CDKN1C: variants seen among roughly 807,000 people sequenced by gnomAD.
The protein encoded by CDKN1C is cyclin-dependent kinase inhibitor 1C.
A neutral mutation model predicts 16.5 loss-of-function variants in CDKN1C; 7 were observed. That is an observed-to-expected ratio of 0.42 (90% CI 0.24 to 0.80). CDKN1C has a LOEUF of 0.80. Ranked by LOEUF, CDKN1C falls within the 30% of genes least tolerant of loss-of-function variation. CDKN1C has a pLI of 0.26. For synonymous variants in CDKN1C, 288 were observed against 214.4 expected (o/e 1.34, Z -3.00); for missense variants, 429 against 437.3 (o/e 0.98, Z 0.17).
chr11:2,884,768 T>G lies in CDKN1C; in HGVS notation c.689A>C (p.Gln230Pro). ...ACGTCCCGAAATCCCCGAGTGCAGC[T>G]GGTCAGCGAGAGGCTCCTGGCCGCG... The part of the protein sequence containing the change: ...GQRGQEPLAD[Q>P]LHSGISGRPA... The change falls in exon 2 of 4, where the codon CAG becomes CCG. Residue 230 changes from glutamine to proline, a missense_variant. Coordinates refer to ENST00000440480, the MANE Select transcript of CDKN1C (RefSeq NM_001122630.2). 2 of 1,501,098 alleles carry G rather than the reference T, an allele frequency of 1.3e-6. No homozygotes were observed. Among genetic ancestry groups the G allele is most frequent in the Non-Finnish European group, 1.8e-6 (2 of 1,127,290 alleles). The allele number at this position is 1,501,098 out of a possible 1,614,324, so 93.0% of individuals were successfully genotyped here. A position where few individuals can be genotyped will look rare whatever the true frequency, so the allele number is the denominator to read the frequency against.
At chr11:2,884,203 AGGGCGCGGGGCGCGGGCCGGCCGGGGTGG>A in intron 2 of CDKN1C, 69 bp from the exon 3 acceptor site, 1 of 1,195,742 alleles carries the variant, frequency 8.4e-7, no homozygotes, top group Non-Finnish European at 1.0e-6. Flanking sequence ...GGGCCGGGAG[AGGGCGCGGGGCGCGGGCCGGCCGGGGTGG>A]GGGCGCCGTC....
chr11:2,885,081 G>C lies in CDKN1C; in HGVS notation c.376C>G (p.Pro126Ala). The C allele has an allele frequency of 2.1e-6, 3 of 1,405,320 alleles. No homozygotes were observed. The highest frequency in any genetic ancestry group is 2.7e-6 in the Non-Finnish European group (3 of 1,091,380). 87.1% of individuals were successfully genotyped at this position (1,405,320 alleles called of 1,614,324 possible). The change falls in exon 2 of 4, where the codon CCT (proline) becomes GCT (alanine). Residue 126 changes from proline to alanine, a missense_variant. By Grantham distance (27) the Pro-to-Ala change is conservative. Coordinates refer to ENST00000440480, the MANE Select transcript of CDKN1C (RefSeq NM_001122630.2). ...GCCGGGGCCGGGACCGGGACACTAGGCAGCTGCTCCGGCGCCTCCTCGAGG... is the reference window on the plus strand; with the variant it reads ...GCCGGGGCCGGGACCGGGACACTAGCCAGCTGCTCCGGCGCCTCCTCGAGG... ...DGLEEAPEQL[P>A]SVPVPAPAST...
Position 2,884,997 on chromosome 11 carries a change from C to A in CDKN1C, c.460G>T (p.Val154Phe). 8.8e-7 allele frequency: 1 copy of A among 1,132,656 alleles called. No homozygotes were observed. The highest frequency in any genetic ancestry group is 1.6e-5 in the African/African-American group (1 of 60,962). 70.2% of individuals were successfully genotyped at this position (1,132,656 alleles called of 1,614,324 possible). Residue 154 changes from valine to phenylalanine, a missense_variant, in exon 2 of 4, where the codon GTC becomes TTC. Physicochemically the swap from Val to Phe is conservative, Grantham distance 50. Coordinates refer to ENST00000440480, the MANE Select transcript of CDKN1C (RefSeq NM_001122630.2). ...APAPAPAPAPVAAPVAAPVAV... is the reference protein window; with the variant it reads ...APAPAPAPAPFAAPVAAPVAV... ...ACCGGAGCCGCGACCGGAGCCGCGA[C>A]CGGAGCCGGAGCCGGGGCCGGGGCT...
rs878853632 is a variant in CDKN1C, at chr11:2,884,917, G to GGCCGGA, written c.534_539dup (p.Ala182_Pro183dup). On this transcript the variant is annotated inframe_insertion, in exon 2 of 4. Transcript: ENST00000440480. ...GGGCCGGGGCCGCGACTGGAGCCGG[G>GGCCGGA]GCCGGAGCCGGAGCCGGAGCCGGGG... 3.4e-5 allele frequency: 30 copies of GGCCGGA among 882,332 alleles called. No individual in the cohort carries two copies. The highest frequency in any genetic ancestry group is 9.7e-5 in the African/African-American group (5 of 51,570). 54.7% of individuals were successfully genotyped at this position (882,332 alleles called of 1,614,324 possible).
rs1848952868 is a variant in CDKN1C, at chr11:2,885,029, A to G, written c.428T>C (p.Leu143Pro). ...PASTPPPVPV[L>P]APAPAPAPAP... Reference sequence around the variant, plus strand: ...CGGAGCCGGGGCCGGGGCTGGAGCCAGGACCGGGACTGGGGGCGGGGTGGA... The same window carrying G: ...CGGAGCCGGGGCCGGGGCTGGAGCCGGGACCGGGACTGGGGGCGGGGTGGA... Residue 143 changes from leucine (L) to proline (P), a missense_variant, in exon 2 of 4, where the codon CTG becomes CCG. Leu to Pro is a moderately conservative substitution (Grantham distance 98). Transcript: ENST00000440480. 3 of 1,281,974 alleles carry G rather than the reference A, an allele frequency of 2.3e-6. No individual in the cohort carries two copies. Among genetic ancestry groups the G allele is most frequent in the East Asian group, 3.2e-5 (1 of 31,178 alleles). 79.4% of individuals were successfully genotyped at this position (1,281,974 alleles called of 1,614,324 possible).
chr11:2,884,630 G>GGGGCCGGGCC (rs779445226), intron 2 of CDKN1C, 40 bp downstream of exon 2: 7 of 1,184,502 alleles, frequency 5.9e-6, no homozygotes, highest in Non-Finnish European at 6.4e-6. Context: ...CGGACAAAGC[G>GGGGCCGGGCC]GGGCCGGGCC....
At position 2,884,167 on chromosome 11, in the gene CDKN1C, C is replaced by A. The variant is rs1406846668; in HGVS notation, c.788-33G>T. On this transcript the variant is annotated intron_variant, in intron 2 of 3. Transcript: ENST00000440480. ...CGACAGCGCGCGCGGCCGGTCAGGG[C>A]GGGGCCGGCCCGGAGACCCGAGAGG... 4.4e-6 allele frequency: 6 copies of A among 1,359,880 alleles called. No homozygotes were observed. In the South Asian group the frequency reaches 1.0e-4, roughly 23 times the overall value. The allele number at this position is 1,359,880 out of a possible 1,614,324, so 84.2% of individuals were successfully genotyped here.
Position 2,884,754 on chromosome 11 carries a change from T to C in CDKN1C, c.703A>G (p.Ile235Val). 6.7e-7 allele frequency: 1 copy of C among 1,497,350 alleles called. No individual in the cohort carries two copies. Among genetic ancestry groups the C allele is most frequent in the Non-Finnish European group, 8.9e-7 (1 of 1,125,616 alleles). The allele number at this position is 1,497,350 out of a possible 1,614,324, so 92.8% of individuals were successfully genotyped here. ...EPLADQLHSG[I>V]SGRPAAGTAA... Reference sequence around the variant, plus strand: ...GTGCCGGCCGCGGGACGTCCCGAAATCCCCGAGTGCAGCTGGTCAGCGAGA... The same window carrying C: ...GTGCCGGCCGCGGGACGTCCCGAAACCCCCGAGTGCAGCTGGTCAGCGAGA... Residue 235 changes from isoleucine (I) to valine (V), a missense_variant, in exon 2 of 4, where the codon ATT becomes GTT. Ile to Val is a conservative substitution (Grantham distance 29, BLOSUM62 3). Transcript: ENST00000440480.
rs1848994585 is a variant in CDKN1C, at chr11:2,885,705, G to A, written c.-82C>T. ...GTCCGGACGGCAGCCGCGCCCCCTC[G>A]ATGCCTGCTGGCTAGCTCGCTCGCT... On this transcript the variant is annotated 5_prime_UTR_variant, in exon 1 of 4. Transcript: ENST00000440480. 2.6e-5 allele frequency: 16 copies of A among 615,212 alleles called. No individual in the cohort carries two copies. The highest frequency in any genetic ancestry group is 3.7e-5 in the Non-Finnish European group (13 of 349,860). The allele number at this position is 615,212 out of a possible 1,614,324, so 38.1% of individuals were successfully genotyped here. A position where few individuals can be genotyped will look rare whatever the true frequency, so the allele number is the denominator to read the frequency against.
rs1282965328 is a variant in CDKN1C, at chr11:2,883,526, C to T, written c.*395G>A. The T allele has an allele frequency of 7.3e-6, 2 of 272,192 alleles. No homozygotes were observed. Among genetic ancestry groups the T allele is most frequent in the African/African-American group, 2.2e-5 (1 of 45,320 alleles). 16.9% of individuals were successfully genotyped at this position (272,192 alleles called of 1,614,324 possible). On this transcript the variant is annotated 3_prime_UTR_variant, in exon 4 of 4. Coordinates refer to ENST00000440480, the MANE Select transcript of CDKN1C (RefSeq NM_001122630.2). ...ATAACCGAGCTAGTGCGTGGCAGAG[C>T]GGTCCACGCCTGGACATAAATAGAA...
Position 2,884,776 on chromosome 11 carries a change from G to C in CDKN1C, c.681C>G (p.Leu227=), listed in dbSNP as rs1349273076. The C allele has an allele frequency of 4.7e-6, 7 of 1,504,510 alleles. No individual in the cohort carries two copies. The highest frequency in any genetic ancestry group is 6.2e-6 in the Non-Finnish European group (7 of 1,129,316). The allele number at this position is 1,504,510 out of a possible 1,614,324, so 93.2% of individuals were successfully genotyped here. A position where few individuals can be genotyped will look rare whatever the true frequency, so the allele number is the denominator to read the frequency against. The change falls in exon 2 of 4, where the codon CTC becomes CTG. Residue 227 remains leucine (L), a synonymous_variant. Coordinates refer to ENST00000440480, the MANE Select transcript of CDKN1C (RefSeq NM_001122630.2). ...ANQGQRGQEP[L]ADQLHSGISG... The stretch of plus-strand genomic sequence containing the variant: ...AAATCCCCGAGTGCAGCTGGTCAGC[G>C]AGAGGCTCCTGGCCGCGCTGCCCCT...
chr11:2,885,346 G>A lies in CDKN1C; in HGVS notation c.111C>T (p.Ala37=), dbSNP rs769255937. Residue 37 remains alanine, a synonymous_variant, in exon 2 of 4, where the codon GCC becomes GCT. Transcript: ENST00000440480. ...CCTCGGCGTTCAGCTCGGCCAGGCGGGCCTGCAGCTCGCGGCTCAGCTCCT... is the reference window on the plus strand; with the variant it reads ...CCTCGGCGTTCAGCTCGGCCAGGCGAGCCTGCAGCTCGCGGCTCAGCTCCT... ...DHEELSRELQ[A]RLAELNAEDQ... The A allele has an allele frequency of 5.0e-6, 8 of 1,595,122 alleles. No individual in the cohort carries two copies. The East Asian group carries it at 1.4e-4, about 27-fold the overall frequency.
chr11:2,885,143 C>A lies in CDKN1C; in HGVS notation c.314G>T (p.Ser105Ile), dbSNP rs1197769841. 4 of 1,512,792 alleles carry A rather than the reference C, an allele frequency of 2.6e-6. No homozygotes were observed. Among genetic ancestry groups the A allele is most frequent in the Non-Finnish European group, 3.5e-6 (4 of 1,137,556 alleles). 93.7% of individuals were successfully genotyped at this position (1,512,792 alleles called of 1,614,324 possible). A position where few individuals can be genotyped will look rare whatever the true frequency, so the allele number is the denominator to read the frequency against. The change falls in exon 2 of 4, where the codon AGC (serine) becomes ATC (isoleucine). Residue 105 changes from serine to isoleucine, a missense_variant. Transcript: ENST00000440480. ...PRPVAVAVAV[S>I]PPLEPAAESL... ...CTCAGCGGCCGGCTCGAGGGGCGGG[C>A]TGACAGCCACCGCGACCGCGACGGG...
Position 2,883,718 on chromosome 11 carries a change from T to C in CDKN1C, c.*203A>G, listed in dbSNP as rs370352968. The stretch of plus-strand genomic sequence containing the variant: ...TTTACACCTTGGGACCAGTGTACCT[T>C]CTCGTGCAGAATACATTTAGATATA... On this transcript the variant is annotated 3_prime_UTR_variant, in exon 4 of 4. Transcript: ENST00000440480. 145 of 1,331,912 alleles carry C rather than the reference T, an allele frequency of 1.1e-4. 1 individual carries two copies. The East Asian group carries it at 2.6e-3, about 23-fold the overall frequency. 82.5% of individuals were successfully genotyped at this position (1,331,912 alleles called of 1,614,324 possible). A position where few individuals can be genotyped will look rare whatever the true frequency, so the allele number is the denominator to read the frequency against.
chr11:2,884,988 G>T lies in CDKN1C; in HGVS notation c.469C>A (p.Pro157Thr). The T allele has an allele frequency of 9.0e-7, 1 of 1,106,378 alleles. No individual in the cohort carries two copies. Among genetic ancestry groups the T allele is most frequent in the Non-Finnish European group, 1.1e-6 (1 of 880,188 alleles). The allele number at this position is 1,106,378 out of a possible 1,614,324, so 68.5% of individuals were successfully genotyped here. The change falls in exon 2 of 4, where the codon CCG becomes ACG. Residue 157 changes from proline to threonine, a missense_variant. Physicochemically the swap from Pro to Thr is conservative, Grantham distance 38 (BLOSUM62 -1). Transcript: ENST00000440480. The stretch of plus-strand genomic sequence containing the variant: ...GCGACCGCGACCGGAGCCGCGACCG[G>T]AGCCGCGACCGGAGCCGGAGCCGGG... The part of the protein sequence containing the change: ...PAPAPAPVAA[P>T]VAAPVAVAVL...
chr11:2,884,568 G>A (rs1848908538), intron 2 of CDKN1C, 102 bp downstream of exon 2: 1 of 622,448 alleles, frequency 1.6e-6, no homozygotes, highest in Non-Finnish European at 2.3e-6. Flanking sequence ...TAATGCCACG[G>A]GAGGAGGCGG....
Position 2,885,404 on chromosome 11 carries a change from G to T in CDKN1C, c.53C>A (p.Ala18Asp). Reference sequence around the variant, plus strand: ...CACCGGCCCGAAGAGGCTGCGGCAGGCGCTGGTGCGCACTAGTACTGGGAA... The same window carrying T: ...CACCGGCCCGAAGAGGCTGCGGCAGTCGCTGGTGCGCACTAGTACTGGGAA... ...GTFPVLVRTS[A>D]CRSLFGPVDH... Residue 18 changes from alanine to aspartate, a missense_variant, in exon 2 of 4, where the codon GCC becomes GAC. Coordinates refer to ENST00000440480, the MANE Select transcript of CDKN1C (RefSeq NM_001122630.2). 1 of 1,555,862 alleles carries T rather than the reference G, an allele frequency of 6.4e-7. No individual in the cohort carries two copies. The highest frequency in any genetic ancestry group is 8.7e-7 in the Non-Finnish European group (1 of 1,153,358).
chr11:2,884,582 C>T (rs918659334), intron 2 of CDKN1C, 88 bp downstream of exon 2: 3 of 798,182 alleles, frequency 3.8e-6, no homozygotes, highest in Non-Finnish European at 5.0e-6. Context: ...GAGGCGGGAA[C>T]CCAGCGAGGC....
chr11:2,884,452 C>T, intron 2 of CDKN1C: 1 of 304,364 alleles, frequency 3.3e-6, no homozygotes, highest in Non-Finnish European at 6.0e-6. Flanking sequence ...GGGTCGCGGC[C>T]GGGATTCAGC....
Sources: allele counts gnomAD v4.1 joint callset, GRCh38; gene constraint gnomAD v4.1.1; transcripts MANE v1.5; gene names NCBI Gene and HGNC (gene_info 2026-07-23, HGNC 2026-07-21).